CALCOCO2: variants seen among roughly 807,000 people sequenced by gnomAD.
The protein encoded by CALCOCO2 is calcium-binding and coiled-coil domain-containing protein 2.
A neutral mutation model predicts 62.5 loss-of-function variants in CALCOCO2; 42 were observed. The ratio of observed to expected loss-of-function variants is 0.67; its 90% CI spans 0.53 to 0.87. The LOEUF is 0.87. Among genes scored for constraint, CALCOCO2 ranks in the 40% least tolerant of loss-of-function variants. CALCOCO2 has a pLI of 0.00. For synonymous variants in CALCOCO2, 167 were observed against 173.0 expected (o/e 0.97, Z 0.27); for missense variants, 456 against 515.0 (o/e 0.89, Z 1.11).
At chr17:48,840,341 G>T (rs1296082866) in intron 1 of CALCOCO2, among the ~76,000 whole-genome samples, 1 of 151,564 alleles carries the variant, frequency 6.6e-6, no homozygotes, top group Admixed American at 6.6e-5. Flanking sequence ...ATGTTGCCCA[G>T]GTTGGTCATG....
chr17:48,845,984 G>A (rs1368833926), intron 2 of CALCOCO2: 4 of 786,928 alleles, frequency 5.1e-6, no homozygotes, highest in Non-Finnish European at 8.0e-6. Context: ...TGGCTGTAAA[G>A]TTTCGTCCTT....
intron 11 of CALCOCO2, 86 bp from the exon 12 acceptor site, chr17:48,862,190 G>A (rs936127975): frequency 2.1e-5 from 19 of 890,314 alleles, no homozygotes; most frequent in African/African-American, 1.3e-4. Context: ...AACAATGAAA[G>A]TTACAGGAAA....
At chr17:48,847,965 A>G (rs1190185615) in intron 2 of CALCOCO2, 99 bp from the exon 3 acceptor site, 13 of 694,930 alleles carry the variant, frequency 1.9e-5, no homozygotes, top group Non-Finnish European at 3.0e-5. Context: ...TATATTTTCA[A>G]TATATACAAA....
At chr17:48,857,290 C>T (rs954645895) in intron 10 of CALCOCO2, among the ~76,000 whole-genome samples, 7 of 149,540 alleles carry the variant, frequency 4.7e-5, no homozygotes, top group South Asian at 2.1e-4. Flanking sequence ...CTCCACCTTC[C>T]GGGTTCAAGC....
At chr17:48,841,666 T>C (rs750520631) in intron 1 of CALCOCO2, 32 bp from the exon 2 acceptor site, 1 of 1,442,602 alleles carries the variant, frequency 6.9e-7, no homozygotes, top group Non-Finnish European at 9.5e-7. Flanking sequence ...CAATGCTTTC[T>C]GAGCCTTACT....
rs1279937648 is a variant in CALCOCO2, at chr17:48,860,432, A to G, written c.1127A>G (p.Tyr376Cys). Residue 376 changes from tyrosine to cysteine, a missense_variant, in exon 11 of 13, where the codon TAT (tyrosine) becomes TGT (cysteine). By Grantham distance (194) the Tyr-to-Cys change is radical (BLOSUM62 -2). Around this residue, in one of 3 missense-constraint regions of CALCOCO2, gnomAD observed 172 missense variants for 210.3 expected, o/e 0.82. Coordinates refer to ENST00000258947, the MANE Select transcript of CALCOCO2 (RefSeq NM_005831.5). ...GGARQNPGLAYGNPYSGIQES... is the reference protein window; with the variant it reads ...GGARQNPGLACGNPYSGIQES... ...GCAAGACAAAATCCAGGACTTGCCTATGGAAACCCATATTCTGGTAAGACA... is the reference window on the plus strand; with the variant it reads ...GCAAGACAAAATCCAGGACTTGCCTGTGGAAACCCATATTCTGGTAAGACA... 18 of 1,614,004 alleles carry G rather than the reference A, an allele frequency of 1.1e-5. No homozygotes were observed. In the East Asian group the frequency reaches 3.3e-4, roughly 30 times the overall value.
rs375935534 is a variant in CALCOCO2, at chr17:48,848,083, G to A, written c.200G>A (p.Arg67His). The A allele has an allele frequency of 2.1e-5, 34 of 1,610,866 alleles. No individual in the cohort carries two copies. Among genetic ancestry groups the A allele is most frequent in the Middle Eastern group, 1.6e-4 (1 of 6,076 alleles). ...TTGCAGGTGGGGTGGAAGACAACCCGTGAGTATTACACCTTCATGTGGGTT... is the reference window on the plus strand; with the variant it reads ...TTGCAGGTGGGGTGGAAGACAACCCATGAGTATTACACCTTCATGTGGGTT... ...GIFRVGWKTT[R>H]EYYTFMWVTL... The change falls in exon 3 of 13, where the codon CGT becomes CAT. Residue 67 changes from arginine to histidine, a missense_variant. Transcript: ENST00000258947.
At chr17:48,848,580 A>C (rs1170143801) in intron 4 of CALCOCO2, 125 bp downstream of exon 4, 2 of 843,576 alleles carry the variant, frequency 2.4e-6, no homozygotes, top group African/African-American at 3.4e-5. Flanking sequence ...AAATGTATGT[A>C]GTACTCACAC....
chr17:48,851,795 A>G (rs557554664), intron 7 of CALCOCO2, 167 bp downstream of exon 7: 2 of 587,110 alleles, frequency 3.4e-6, no homozygotes, highest in African/African-American at 3.7e-5. Context: ...TGGACCAGGT[A>G]AGCCTCCACC....
intron 1 of CALCOCO2, among the ~76,000 whole-genome samples, chr17:48,836,147 A>G (rs946347139): frequency 4.6e-5 from 7 of 152,154 alleles, no homozygotes; most frequent in African/African-American, 1.7e-4. Flanking sequence ...CATTTTCACA[A>G]CAGCTTGCCA....
rs1222136783 is a variant in CALCOCO2 at position 48,846,512 on chromosome 17, C to T, written c.181-1552C>T. 4.9e-6 allele frequency: 7 copies of T among 1,433,392 alleles called. No individual in the cohort carries two copies. In the South Asian group the frequency reaches 6.1e-5, roughly 13 times the overall value. 88.8% of individuals were successfully genotyped at this position (1,433,392 alleles called of 1,614,324 possible). A position where few individuals can be genotyped will look rare whatever the true frequency, so the allele number is the denominator to read the frequency against. On this transcript the variant is annotated intron_variant, in intron 2 of 12. Transcript: ENST00000258947. The stretch of plus-strand genomic sequence containing the variant: ...ATGGAGGAGCCAAGGACAGAAATTG[C>T]AGGTGGCTAGAAGTTGTTTCCCTGT...
At chr17:48,856,561 T>G in intron 10 of CALCOCO2, 1 of 456,928 alleles carries the variant, frequency 2.2e-6, no homozygotes, top group Non-Finnish European at 4.4e-6. Flanking sequence ...TTTTCCTTTT[T>G]CTCTGCTGCC....
At chr17:48,856,280 G>T in intron 10 of CALCOCO2, 93 bp downstream of exon 10, 1 of 649,528 alleles carries the variant, frequency 1.5e-6, no homozygotes, top group South Asian at 1.9e-5. Flanking sequence ...AAAAGTTAAG[G>T]GCCCTTTCTG....
At chr17:48,840,424 C>A (rs1354798570) in intron 1 of CALCOCO2, among the ~76,000 whole-genome samples, 1 of 152,200 alleles carries the variant, frequency 6.6e-6, no homozygotes, top group African/African-American at 2.4e-5. Flanking sequence ...AGCCACTGTG[C>A]CCAGCCACAA....
chr17:48,847,424 A>G lies in CALCOCO2; in HGVS notation c.181-640A>G, dbSNP rs546603511. ...TTCCCCTTAAATCAGTCTCAGCTCTATCTCTGACTTGTAGATAGAATTTTT... is the reference window on the plus strand; with the variant it reads ...TTCCCCTTAAATCAGTCTCAGCTCTGTCTCTGACTTGTAGATAGAATTTTT... On this transcript the variant is annotated intron_variant, in intron 2 of 12. Coordinates refer to ENST00000258947, the MANE Select transcript of CALCOCO2 (RefSeq NM_005831.5). Among the ~76,000 whole-genome samples the G allele has an allele frequency of 2.0e-4, 30 of 152,240 alleles. No individual in the cohort carries two copies. In the South Asian group the frequency reaches 5.6e-3, roughly 28 times the overall value.
At chr17:48,842,130 C>CT (rs377188984) in intron 2 of CALCOCO2, 751 of 224,722 alleles carry the variant, frequency 3.3e-3, no homozygotes, top group East Asian at 6.1e-3. Flanking sequence ...TTTTGTTATG[C>CT]TTTTTTTTTT....
At chr17:48,835,657 G>A (rs2143567185) in intron 1 of CALCOCO2, among the ~76,000 whole-genome samples, 1 of 152,204 alleles carries the variant, frequency 6.6e-6, no homozygotes, top group East Asian at 1.9e-4. Flanking sequence ...GCTCTTTCGT[G>A]TTGTCTATAT....
Position 48,841,758 on chromosome 17 carries a change from C to T in CALCOCO2, c.51C>T (p.His17=). 1 of 1,613,712 alleles carries T rather than the reference C, an allele frequency of 6.2e-7. No individual in the cohort carries two copies. The highest frequency in any genetic ancestry group is 1.3e-5 in the African/African-American group (1 of 75,024). ...CCACATCAGCTGTCTTGCTGGATCA[C>T]TGTCATTTCTCTCAGGTCATCTTTA... ...DPPTSAVLLD[H]CHFSQVIFNS... The change falls in exon 2 of 13, where the codon CAC becomes CAT. Residue 17 remains histidine (H), a synonymous_variant. Coordinates refer to ENST00000258947, the MANE Select transcript of CALCOCO2 (RefSeq NM_005831.5).
intron 2 of CALCOCO2, among the ~76,000 whole-genome samples, chr17:48,846,692 G>A (rs2040058142): frequency 6.6e-6 from 1 of 152,152 alleles, no homozygotes. Flanking sequence ...AATGGGGTGT[G>A]TATTAATGAG....
Sources: allele counts gnomAD v4.1 joint callset (sites outside exome capture counted in the v4.1 genomes callset), GRCh38; gene constraint gnomAD v4.1.1; regional missense constraint gnomAD v4.1.1; transcripts MANE v1.5; gene names NCBI Gene and HGNC (gene_info 2026-07-23, HGNC 2026-07-21).